The following PRKCB variants were observed in gnomAD, a reference collection of about 807,000 sequenced individuals.
The protein encoded by PRKCB is protein kinase C beta type.
PRKCB carries 13 observed loss-of-function variants against 81.5 expected under a neutral mutation model. That is an observed-to-expected ratio of 0.16 (90% confidence interval 0.10 to 0.25). PRKCB has a LOEUF of 0.25. Among genes scored for constraint, PRKCB ranks in the 10% least tolerant of loss-of-function variants. PRKCB has a pLI of 1.00. For synonymous variants in PRKCB, 335 were observed against 321.4 expected (o/e 1.04, Z -0.45); for missense variants, 509 against 875.7 (o/e 0.58, Z 5.29).
intron 10 of PRKCB, among the ~76,000 whole-genome samples, chr16:24,168,046 G>A (rs1470370341): frequency 6.6e-6 from 1 of 152,128 alleles, no homozygotes; most frequent in Non-Finnish European, 1.5e-5. Context: ...TCCCACATTT[G>A]ATAAATGCAC....
At chr16:23,931,870 C>T (rs563654701) in intron 2 of PRKCB, among the ~76,000 whole-genome samples, 1 of 152,288 alleles carries the variant, frequency 6.6e-6, no homozygotes, top group African/African-American at 2.4e-5. Context: ...CATATCCGCA[C>T]CCAATGCTTT....
chr16:24,003,989 A>G (rs1000511998), intron 3 of PRKCB, among the ~76,000 whole-genome samples: 6 of 152,246 alleles, frequency 3.9e-5, no homozygotes. Flanking sequence ...AAAATAGTGA[A>G]TGCTATTTTA....
At chr16:23,849,903 G>C (rs1962444057) in intron 2 of PRKCB, among the ~76,000 whole-genome samples, 1 of 152,068 alleles carries the variant, frequency 6.6e-6, no homozygotes. Context: ...ATGTTACCCT[G>C]CTGTGCAATA....
At chr16:24,105,055 A>ATTT (rs71154278) in intron 7 of PRKCB, among the ~76,000 whole-genome samples, 6,730 of 148,172 alleles carry the variant, frequency 0.045, 527 homozygotes, top group African/African-American at 0.15. Flanking sequence ...ACGTTGTTGG[A>ATTT]TTTTTTTTTT....
Position 24,216,212 on chromosome 16 carries a change from G to C in PRKCB, c.*1396G>C. On this transcript the variant is annotated 3_prime_UTR_variant, in exon 17 of 17. Transcript: ENST00000643927. Reference sequence around the variant, plus strand: ...GGCTGTAGTGGGGTGGGATGACCTGGCCAGAGCCAACGAGGATACTGGAGC... The same window carrying C: ...GGCTGTAGTGGGGTGGGATGACCTGCCCAGAGCCAACGAGGATACTGGAGC... 2 of 985,402 alleles carry C rather than the reference G, an allele frequency of 2.0e-6. No homozygotes were observed. Among genetic ancestry groups the C allele is most frequent in the Non-Finnish European group, 2.4e-6 (2 of 829,950 alleles). 61.0% of individuals were successfully genotyped at this position (985,402 alleles called of 1,614,324 possible).
chr16:23,993,790 G>C (rs772747552), intron 3 of PRKCB, among the ~76,000 whole-genome samples: 3 of 152,154 alleles, frequency 2.0e-5, no homozygotes, highest in Non-Finnish European at 4.4e-5. Flanking sequence ...AACAACAATC[G>C]GAATAGCCTG....
At chr16:24,004,477 A>AT (rs1425063451) in intron 3 of PRKCB, among the ~76,000 whole-genome samples, 14 of 140,530 alleles carry the variant, frequency 1.0e-4, no homozygotes, top group Admixed American at 3.5e-4. Flanking sequence ...CCAAGTCTCT[A>AT]CAAAAAAAAA....
At chr16:24,038,773 G>A (rs972129619) in intron 5 of PRKCB, among the ~76,000 whole-genome samples, 2 of 152,232 alleles carry the variant, frequency 1.3e-5, no homozygotes, top group Non-Finnish European at 2.9e-5. Flanking sequence ...AAAAAGCTTG[G>A]CGAGAGTGTG....
intron 5 of PRKCB, among the ~76,000 whole-genome samples, chr16:24,046,037 C>G (rs1374986613): frequency 6.6e-6 from 1 of 152,244 alleles, no homozygotes; most frequent in Non-Finnish European, 1.5e-5. Context: ...ATGTCCTGGC[C>G]TGGTGCAGCA....
Position 24,035,476 on chromosome 16 carries a change from C to A in PRKCB, c.458C>A (p.Thr153Lys). Residue 153 changes from threonine (T) to lysine (K), a missense_variant, in exon 5 of 17, where the codon ACG becomes AAG. Transcript: ENST00000643927. ...ATGAATGTTCCCAGCCTGTGTGGCA[C>A]GGACCACACGGAGCGCCGCGGCCGC... ...CVMNVPSLCGTDHTERRGRIY... is the reference protein window; with the variant it reads ...CVMNVPSLCGKDHTERRGRIY... The A allele has an allele frequency of 6.2e-7, 1 of 1,614,168 alleles. No individual in the cohort carries two copies.
intron 2 of PRKCB, among the ~76,000 whole-genome samples, chr16:23,947,908 A>C: frequency 9.2e-6 from 1 of 108,258 alleles, no homozygotes; most frequent in Admixed American, 9.3e-5. Flanking sequence ...TTTTTTTAAT[A>C]TTTGTGAATT....
chr16:23,971,564 G>A (rs1045782224), intron 2 of PRKCB, among the ~76,000 whole-genome samples: 4 of 152,174 alleles, frequency 2.6e-5, no homozygotes, highest in Non-Finnish European at 5.9e-5. Flanking sequence ...AGACGAGAAG[G>A]TGGGAGGAGA....
intron 5 of PRKCB, among the ~76,000 whole-genome samples, chr16:24,044,281 C>T (rs1220055837): frequency 6.6e-6 from 1 of 152,100 alleles, no homozygotes; most frequent in Non-Finnish European, 1.5e-5. Flanking sequence ...ATCACTTGAA[C>T]CCTGCAGGTG....
chr16:23,903,816 C>T (rs1391998117), intron 2 of PRKCB, among the ~76,000 whole-genome samples: 1 of 152,172 alleles, frequency 6.6e-6, no homozygotes, highest in Non-Finnish European at 1.5e-5. Context: ...CCCTTGCTAA[C>T]ATCCTGTTTC....
At chr16:23,999,447 A>G (rs185417910) in intron 3 of PRKCB, among the ~76,000 whole-genome samples, 95 of 152,346 alleles carry the variant, frequency 6.2e-4, no homozygotes, top group African/African-American at 2.2e-3. Context: ...CAATTTTATG[A>G]ACCAGGCACT....
chr16:24,219,128 T>G lies in PRKCB; in HGVS notation c.*4312T>G. On this transcript the variant is annotated 3_prime_UTR_variant, in exon 17 of 17. Coordinates refer to ENST00000643927, the MANE Select transcript of PRKCB (RefSeq NM_002738.7). The stretch of plus-strand genomic sequence containing the variant: ...TATTAGCCCACATTCTGATGTTCCC[T>G]GGTGAGACTTGCCCCAAGCAATTGC... The G allele has an allele frequency of 5.1e-6, 5 of 985,494 alleles. No individual in the cohort carries two copies. Among genetic ancestry groups the G allele is most frequent in the Non-Finnish European group, 6.0e-6 (5 of 829,972 alleles). The allele number at this position is 985,494 out of a possible 1,614,324, so 61.0% of individuals were successfully genotyped here.
In PRKCB at chr16:24,061,910, T is replaced by TAAAAAAAAAAAA. The variant is rs1210402981; in HGVS notation, c.529+26375_529+26386dup. Among the ~76,000 whole-genome samples the TAAAAAAAAAAAA allele has an allele frequency of 6.4e-5, 6 of 93,718 alleles. 1 individual carries two copies. The highest frequency in any genetic ancestry group is 3.2e-4 in the East Asian group (1 of 3,132). 61.5% of individuals were successfully genotyped at this position (93,718 alleles called of 152,430 possible). ...CCACTCCCCCTGCACCTTAAATAAA[T>TAAAAAAAAAAAA]AAAAAAAAAAAAAAAAAAAAAAACT... is the stretch of plus-strand genomic sequence containing the variant. On this transcript the variant is annotated intron_variant, in intron 5 of 16. Transcript: ENST00000643927.
At chr16:24,174,494 CTTT>C (rs72154122) in intron 11 of PRKCB, 21 bp from the exon 12 acceptor site, 914 of 1,506,698 alleles carry the variant, frequency 6.1e-4, no homozygotes, top group South Asian at 1.0e-3. Context: ...TTCTCCATCG[CTTT>C]TTTTTTTTTT....
intron 2 of PRKCB, among the ~76,000 whole-genome samples, chr16:23,862,036 G>A (rs112152916): frequency 2.4e-4 from 37 of 152,052 alleles, no homozygotes; most frequent in African/African-American, 8.4e-4. Context: ...TTTTTTCCTG[G>A]TTGATTAGCT....
Sources: gnomAD v4.1 joint callset for allele counts (sites outside exome capture counted in the v4.1 genomes callset) on GRCh38, gnomAD v4.1.1 for gene constraint, MANE v1.5 for transcripts, NCBI Gene and HGNC (gene_info 2026-07-23, HGNC 2026-07-21) for gene names.